SP140: variants seen among roughly 807,000 people sequenced by gnomAD.
The protein encoded by SP140 is nuclear body protein SP140.
In SP140, 81 loss-of-function variants were observed where a neutral mutation model predicts 125.0. That is an observed-to-expected ratio of 0.65 (90% CI 0.54 to 0.78). The LOEUF is 0.78. Ranked by LOEUF, SP140 falls within the 30% of genes least tolerant of loss-of-function variation. The pLI is 0.00. For synonymous variants in SP140, 312 were observed against 354.0 expected (o/e 0.88, Z 1.33); for missense variants, 858 against 1,037.0 (o/e 0.83, Z 2.37).
intron 22 of SP140, among the ~76,000 whole-genome samples, chr2:230,308,496 A>G (rs577526065): frequency 6.6e-6 from 1 of 152,380 alleles, no homozygotes; most frequent in South Asian, 2.1e-4. Flanking sequence ...GACACTGGAC[A>G]GATGAGATTG....
chr2:230,263,890 AC>A (rs2052660859), intron 12 of SP140, among the ~76,000 whole-genome samples: 1 of 152,192 alleles, frequency 6.6e-6, no homozygotes, highest in Admixed American at 6.5e-5. Context: ...CTTCTGTCTC[AC>A]AGCTCTAAAG....
chr2:230,216,996 G>C (rs549852188), intron 3 of SP140: 4 of 1,435,930 alleles, frequency 2.8e-6, no homozygotes, highest in Non-Finnish European at 3.8e-6. Flanking sequence ...CTGTAATCCC[G>C]GCACTTTGGG....
At chr2:230,206,592 A>ATTTT (rs1185913350) in intron 1 of SP140, among the ~76,000 whole-genome samples, 3 of 62,358 alleles carry the variant, frequency 4.8e-5, no homozygotes, top group Non-Finnish European at 9.0e-5. Context: ...TCTGGTCCAG[A>ATTTT]TTTTATATAT....
At chr2:230,270,670 G>A (rs2053797470) in intron 15 of SP140, 31 bp downstream of exon 15, 1 of 1,563,584 alleles carries the variant, frequency 6.4e-7, no homozygotes, top group Non-Finnish European at 8.8e-7. Flanking sequence ...ATTTGCTTTT[G>A]GTATTACAAA....
At chr2:230,314,465 C>G (rs1333516540), downstream of SP140, among the ~76,000 whole-genome samples, 2 of 152,156 alleles carry the variant, frequency 1.3e-5, no homozygotes, top group Non-Finnish European at 2.9e-5. Flanking sequence ...AAACCAGATA[C>G]GTGAGAATTA....
intron 3 of SP140, chr2:230,239,074 G>A: frequency 7.2e-7 from 1 of 1,386,240 alleles, no homozygotes; most frequent in Non-Finnish European, 9.3e-7. Context: ...ATTTAAACGG[G>A]AAAAGTAAAA....
chr2:230,218,777 A>C (rs926627558), intron 3 of SP140, among the ~76,000 whole-genome samples: 26 of 152,238 alleles, frequency 1.7e-4, no homozygotes, highest in Admixed American at 1.7e-3. Context: ...GACTGTTCAG[A>C]TTTTTATTAT....
At chr2:230,248,790 G>A in intron 8 of SP140, 95 bp from the exon 9 acceptor site, 2 of 919,150 alleles carry the variant, frequency 2.2e-6, no homozygotes, top group Admixed American at 3.8e-5. Context: ...GACAGGGGTG[G>A]CTCTCAGCAT....
intron 1 of SP140, among the ~76,000 whole-genome samples, chr2:230,233,206 A>G (rs2149073702): frequency 6.6e-6 from 1 of 152,226 alleles, no homozygotes; most frequent in South Asian, 2.1e-4. Flanking sequence ...GTTTCTAATT[A>G]ATTCTTTAAT....
intron 15 of SP140, among the ~76,000 whole-genome samples, chr2:230,273,803 T>C (rs2054300234): frequency 6.6e-6 from 1 of 152,130 alleles, no homozygotes; most frequent in Non-Finnish European, 1.5e-5. Flanking sequence ...TGCAGGGACA[T>C]GGATGGAGCT....
At position 230,262,413 on chromosome 2, in the gene SP140, C is replaced by T. The variant is rs145750693; in HGVS notation, c.1240+6881C>T. On this transcript the variant is annotated intron_variant, in intron 12 of 26. Transcript: ENST00000392045. The stretch of plus-strand genomic sequence containing the variant: ...AAGAACCAGCTTTTGTTTCATTTAT[C>T]GTTTGTATTTTTTTTATTTCAATTT... Among the ~76,000 whole-genome samples the T allele has an allele frequency of 5.4e-3, 827 of 152,116 alleles. 7 individuals are homozygous for T. Among genetic ancestry groups the T allele is most frequent in the African/African-American group, 0.019 (793 of 41,524 alleles).
chr2:230,230,894 C>G (rs1377306878), intron 1 of SP140, among the ~76,000 whole-genome samples: 1 of 152,220 alleles, frequency 6.6e-6, no homozygotes. Context: ...ATTTGTCACA[C>G]TTTCTGAAAT....
rs550419954 is a variant in SP140, at chr2:230,285,764, C to A, written c.1577C>A (p.Ala526Asp). ...TGCCTATCCCCAGATAATAGCAAAG[C>A]CGACGGCCAGGTGGTCTCCAGTGAA... ...ENSQQNDNSK[A>D]DGQVVSSEKK... is the part of the protein sequence containing the mutation. Residue 526 changes from alanine to aspartate, a missense_variant, in exon 17 of 27, where the codon GCC becomes GAC. This residue lies in a region of SP140 where 791 missense variants were observed against 869.5 expected (regional missense o/e 0.91). Transcript: ENST00000392045. 1.2e-6 allele frequency: 2 copies of A among 1,613,530 alleles called. No homozygotes were observed.
At chr2:230,299,923 G>A (rs1300077465) in intron 22 of SP140, among the ~76,000 whole-genome samples, 1 of 152,080 alleles carries the variant, frequency 6.6e-6, no homozygotes, top group African/African-American at 2.4e-5. Context: ...TGGCCTGCAA[G>A]CCACCCCTCA....
upstream of SP140, among the ~76,000 whole-genome samples, chr2:230,201,937 C>G (rs1296674221): frequency 6.6e-6 from 1 of 152,134 alleles, no homozygotes; most frequent in Non-Finnish European, 1.5e-5. Flanking sequence ...TGTTAAATTA[C>G]CTCACCCTTT....
intron 15 of SP140, among the ~76,000 whole-genome samples, chr2:230,278,485 A>G (rs1404413806): frequency 6.6e-6 from 1 of 151,986 alleles, no homozygotes; most frequent in Non-Finnish European, 1.5e-5. Context: ...CATTTGCTGT[A>G]CAAAAGCTTT....
intron 17 of SP140, among the ~76,000 whole-genome samples, chr2:230,287,563 T>C (rs1190659250): frequency 1.3e-5 from 2 of 152,238 alleles, no homozygotes; most frequent in African/African-American, 4.8e-5. Context: ...ATATGTCATA[T>C]ATATTTCAAA....
chr2:230,271,879 T>C (rs1052365120), intron 15 of SP140, among the ~76,000 whole-genome samples: 2 of 152,126 alleles, frequency 1.3e-5, no homozygotes, highest in African/African-American at 4.8e-5. Context: ...GATTATACAT[T>C]CACAAAAAAA....
Position 230,212,936 on chromosome 2 carries a change from T to C in SP140, c.-322-718T>C, listed in dbSNP as rs1440981238. On this transcript the variant is annotated intron_variant, in intron 1 of 4. Coordinates refer to the SP140 transcript ENST00000456542. ...GGGGTTGTGGTGGGGGCAGCGCCAG[T>C]GGGGTATGGAGGGAGCTTCCTTCTG... 2.0e-5 allele frequency: 32 copies of C among 1,613,756 alleles called. No homozygotes were observed. Among genetic ancestry groups the C allele is most frequent in the Non-Finnish European group, 2.6e-5 (31 of 1,179,956 alleles).
Sources: allele counts gnomAD v4.1 joint callset (sites outside exome capture counted in the v4.1 genomes callset), GRCh38; gene constraint gnomAD v4.1.1; regional missense constraint gnomAD v4.1.1; transcripts MANE v1.5; gene names NCBI Gene and HGNC (gene_info 2026-07-23, HGNC 2026-07-21).